The following NME7 variants were observed in gnomAD, a reference collection of about 807,000 sequenced individuals.
NME7 encodes nucleoside diphosphate kinase 7.
A neutral mutation model predicts 49.1 loss-of-function variants in NME7; 41 were observed. The observed-to-expected ratio is 0.83, with a 90% CI of 0.65 to 1.08. NME7 has a LOEUF of 1.08. Among genes scored for constraint, NME7 ranks in the 50% least tolerant of loss-of-function variants. The pLI, the probability that NME7 is intolerant of heterozygous loss-of-function variation, is 0.00. For synonymous variants in NME7, 139 were observed against 150.6 expected (o/e 0.92, Z 0.56); for missense variants, 423 against 463.4 (o/e 0.91, Z 0.80).
intron 11 of NME7, among the ~76,000 whole-genome samples, chr1:169,133,089 TAAAA>T (rs5778601): frequency 6.7e-6 from 1 of 150,172 alleles, no homozygotes; most frequent in Non-Finnish European, 1.5e-5. Context: ...ACATATGTGT[TAAAA>T]AAAAAAGTTG....
Position 169,347,429 on chromosome 1 carries a change from GT to G in NME7, c.3+20278del, listed in dbSNP as rs566923349. ...ATAAAGCTTTGGGAGGAAGATGGAC[GT>G]TGGCAAGTTTAACAAACAAAGCCAG... is the stretch of plus-strand genomic sequence containing the variant. On this transcript the variant is annotated intron_variant, in intron 1 of 11. Coordinates refer to ENST00000367811, the MANE Select transcript of NME7 (RefSeq NM_013330.5). Among the ~76,000 whole-genome samples the G allele has an allele frequency of 2.3e-3, 350 of 152,116 alleles. 1 individual carries two copies. The highest frequency in any genetic ancestry group is 8.1e-3 in the African/African-American group (336 of 41,404).
At chr1:169,293,943 C>A (rs115814434) in intron 6 of NME7, among the ~76,000 whole-genome samples, 1 of 151,718 alleles carries the variant, frequency 6.6e-6, no homozygotes. Context: ...TTTTTTTAAC[C>A]GTATGAATGG....
In NME7 at chr1:169,267,982, T is replaced by C. The variant is rs1267787193; in HGVS notation, c.754+19321A>G. Among the ~76,000 whole-genome samples, 16 of 133,692 alleles carry C rather than the reference T, an allele frequency of 1.2e-4. 3 individuals are homozygous for C. The highest frequency in any genetic ancestry group is 2.6e-4 in the Non-Finnish European group (15 of 56,854). The allele number at this position is 133,692 out of a possible 152,430, so 87.7% of individuals were successfully genotyped here. A position where few individuals can be genotyped will look rare whatever the true frequency, so the allele number is the denominator to read the frequency against. On this transcript the variant is annotated intron_variant, in intron 7 of 11. Coordinates refer to ENST00000367811, the MANE Select transcript of NME7 (RefSeq NM_013330.5). ...AGCTTTTGCATAGCAAAAGAAACTA[T>C]GAACAGAGTAAACAGACAACCTACA...
chr1:169,291,678 A>G (rs1379983020), intron 6 of NME7, among the ~76,000 whole-genome samples: 2 of 151,662 alleles, frequency 1.3e-5, no homozygotes, highest in African/African-American at 4.9e-5. Flanking sequence ...ATAAAAAGAA[A>G]TAGACACAGC....
rs562607380 is a variant in NME7 at position 169,137,986 on chromosome 1, C to T, written c.1099-5169G>A. Among the ~76,000 whole-genome samples the T allele has an allele frequency of 2.2e-4, 34 of 152,264 alleles. No homozygotes were observed. In the South Asian group the frequency reaches 6.8e-3, roughly 31 times the overall value. ...CTTCTTCAGATATGCTTATCTTCTC[C>T]GTAGGTTTAGTTGACATATTTGAAA... On this transcript the variant is annotated intron_variant, in intron 11 of 11. Transcript: ENST00000367811.
At chr1:169,251,557 T>TG (rs1648612920) in intron 7 of NME7, among the ~76,000 whole-genome samples, 1 of 127,542 alleles carries the variant, frequency 7.8e-6, no homozygotes, top group African/African-American at 2.6e-5. Context: ...CTTTTTTTTT[T>TG]TTTCTTTTTT....
intron 6 of NME7, among the ~76,000 whole-genome samples, chr1:169,292,048 A>G (rs1158490677): frequency 6.6e-6 from 1 of 152,170 alleles, no homozygotes. Flanking sequence ...AGATATATAT[A>G]TTCAATACAT....
chr1:169,259,589 T>A (rs569877199), intron 7 of NME7, among the ~76,000 whole-genome samples: 1 of 134,250 alleles, frequency 7.4e-6, no homozygotes, highest in South Asian at 2.3e-4. Context: ...GATGAATTCC[T>A]GAGTAAAACT....
chr1:169,177,747 C>T (rs1228983637), intron 10 of NME7, among the ~76,000 whole-genome samples: 1 of 152,136 alleles, frequency 6.6e-6, no homozygotes, highest in African/African-American at 2.4e-5. Context: ...GTCACATCAA[C>T]CCCTTCCAAC....
intron 7 of NME7, among the ~76,000 whole-genome samples, chr1:169,244,618 A>G (rs1648233183): frequency 6.9e-6 from 1 of 145,042 alleles, no homozygotes; most frequent in African/African-American, 2.6e-5. Context: ...CCTGGACCAC[A>G]GACTGAGACT....
intron 5 of NME7, among the ~76,000 whole-genome samples, chr1:169,302,845 A>G (rs1651001486): frequency 6.6e-6 from 1 of 152,226 alleles, no homozygotes. Flanking sequence ...TTGAACATCA[A>G]ATATAATTAT....
intron 1 of NME7, among the ~76,000 whole-genome samples, chr1:169,329,105 C>T (rs917618856): frequency 2.6e-5 from 4 of 152,052 alleles, no homozygotes; most frequent in African/African-American, 9.7e-5. Context: ...ACAGAGTATT[C>T]AAAATAGCTC....
intron 7 of NME7, among the ~76,000 whole-genome samples, chr1:169,271,366 C>A (rs960480125): frequency 7.5e-6 from 1 of 133,754 alleles, no homozygotes; most frequent in African/African-American, 2.5e-5. Context: ...CTCAAACAGT[C>A]CCCTTTCACA....
At chr1:169,241,988 T>C (rs1648109324) in intron 7 of NME7, among the ~76,000 whole-genome samples, 1 of 151,998 alleles carries the variant, frequency 6.6e-6, no homozygotes, top group South Asian at 2.1e-4. Flanking sequence ...AGGGTCTTAC[T>C]ATGTTGACTA....
chr1:169,342,915 A>ATATATATAAAGTACATATATATAGTGTG (rs1557831787), intron 1 of NME7, among the ~76,000 whole-genome samples: 1 of 93,918 alleles, frequency 1.1e-5, no homozygotes, highest in African/African-American at 4.3e-5. Context: ...TATATAGTGT[A>ATATATATAAAGTACATATATATAGTGTG]TATATATATA....
At chr1:169,237,917 G>T (rs1486781947) in intron 7 of NME7, among the ~76,000 whole-genome samples, 1 of 152,018 alleles carries the variant, frequency 6.6e-6, no homozygotes, top group Non-Finnish European at 1.5e-5. Flanking sequence ...TGAGGTTTAT[G>T]CAAAAAACTT....
intron 6 of NME7, among the ~76,000 whole-genome samples, chr1:169,298,249 G>A (rs1445600077): frequency 6.6e-6 from 1 of 152,112 alleles, no homozygotes; most frequent in East Asian, 1.9e-4. Context: ...CCATAAACTG[G>A]TATTCTTACA....
intron 11 of NME7, among the ~76,000 whole-genome samples, chr1:169,137,443 C>G (rs541145032): frequency 7.9e-5 from 12 of 152,102 alleles, no homozygotes; most frequent in Non-Finnish European, 1.6e-4. Context: ...ATGAACAGAT[C>G]GATGGTTGAG....
intron 6 of NME7, 77 bp from the exon 7 acceptor site, chr1:169,287,485 G>A (rs1650323533): frequency 3.0e-6 from 3 of 1,010,978 alleles, no homozygotes; most frequent in Non-Finnish European, 4.3e-6. Context: ...TGGGGGAGGA[G>A]AATCATGCAA....
Sources: allele counts gnomAD v4.1 joint callset (sites outside exome capture counted in the v4.1 genomes callset), GRCh38; gene constraint gnomAD v4.1.1; transcripts MANE v1.5; gene names NCBI Gene and HGNC (gene_info 2026-07-23, HGNC 2026-07-21).